Variants in AGBL1 observed in about 807,000 individuals in gnomAD.
The protein encoded by AGBL1 is AGBL carboxypeptidase 1, also known as cytosolic carboxypeptidase 4.
A neutral mutation model predicts 118.9 loss-of-function variants in AGBL1; 130 were observed. The ratio of observed to expected loss-of-function variants is 1.09; its 90% CI spans 0.95 to 1.26. The LOEUF is 1.26. AGBL1 is among the 50% of genes most tolerant of loss of function. The pLI, the probability that AGBL1 is intolerant of heterozygous loss-of-function variation, is 0.00. For synonymous variants in AGBL1, 555 were observed against 478.9 expected, an observed-to-expected ratio of 1.16 and a Z score of -2.08; for missense variants, 1,584 against 1,298.1, an observed-to-expected ratio of 1.22 and a Z score of -3.38.
chr15:86,424,374 T>C (rs1344582870), intron 18 of AGBL1, among the ~76,000 whole-genome samples: 1 of 152,160 alleles, frequency 6.6e-6, no homozygotes, highest in African/African-American at 2.4e-5. Context: ...TTACACCTTA[T>C]ACAAAAATTA....
At chr15:86,407,727 C>G (rs974673530) in intron 18 of AGBL1, among the ~76,000 whole-genome samples, 9 of 152,224 alleles carry the variant, frequency 5.9e-5, no homozygotes, top group African/African-American at 2.2e-4. Context: ...TGAAGCCATA[C>G]TGGGGAGCCT....
intron 22 of AGBL1, among the ~76,000 whole-genome samples, chr15:86,781,392 T>C (rs914941334): frequency 1.3e-5 from 2 of 152,238 alleles, no homozygotes; most frequent in African/African-American, 2.4e-5. Flanking sequence ...TTTCCCTTAA[T>C]ATTTCAATGT....
intron 21 of AGBL1, among the ~76,000 whole-genome samples, chr15:86,628,426 C>G (rs916875579): frequency 1.3e-5 from 2 of 152,192 alleles, no homozygotes; most frequent in Admixed American, 1.3e-4. Flanking sequence ...TTACCTAGAA[C>G]ATAGCACTGA....
At chr15:86,204,478 C>T (rs989020137) in intron 5 of AGBL1, among the ~76,000 whole-genome samples, 1 of 141,066 alleles carries the variant, frequency 7.1e-6, no homozygotes, top group Non-Finnish European at 1.5e-5. Flanking sequence ...CCTTACCTTC[C>T]CTTCCTTTCC....
Position 86,264,581 on chromosome 15 carries a change from A to T in AGBL1, c.1410A>T (p.Val470=). ...CCCCGAAAGCAGATGCCTGGGACGTAGATGCAATTTTCTGCCCAAGGATGA... is the reference window on the plus strand; with the variant it reads ...CCCCGAAAGCAGATGCCTGGGACGTTGATGCAATTTTCTGCCCAAGGATGA... ...QASPKADAWD[V]DAIFCPRMSA... is the part of the protein sequence containing the mutation. The change falls in exon 11 of 23, where the codon GTA becomes GTT. Residue 470 remains valine, a synonymous_variant. Transcript: ENST00000614907. 6.2e-7 allele frequency: 1 copy of T among 1,613,976 alleles called. No individual in the cohort carries two copies. Among genetic ancestry groups the T allele is most frequent in the Non-Finnish European group, 8.5e-7 (1 of 1,179,866 alleles).
At chr15:86,752,162 G>T (rs2077864192) in intron 22 of AGBL1, among the ~76,000 whole-genome samples, 1 of 152,032 alleles carries the variant, frequency 6.6e-6, no homozygotes, top group East Asian at 1.9e-4. Flanking sequence ...ATCTGTTTGT[G>T]TGCCGTGATG....
At chr15:86,269,074 G>A (rs2079116577) in intron 13 of AGBL1, among the ~76,000 whole-genome samples, 1 of 152,116 alleles carries the variant, frequency 6.6e-6, no homozygotes, top group Admixed American at 6.5e-5. Context: ...ATGGGGAGAG[G>A]ATCCCTGAGG....
chr15:86,783,901 G>A (rs867067260), intron 22 of AGBL1, among the ~76,000 whole-genome samples: 7 of 152,208 alleles, frequency 4.6e-5, no homozygotes, highest in Admixed American at 1.3e-4. Context: ...AAAGTGCTGG[G>A]ATTACAGGCG....
chr15:86,962,888 T>C (rs915324916), intron 23 of AGBL1, among the ~76,000 whole-genome samples: 1 of 152,104 alleles, frequency 6.6e-6, no homozygotes, highest in Non-Finnish European at 1.5e-5. Context: ...AGAAAGTCTA[T>C]TGTAGAAGAC....
At chr15:86,872,735 G>A (rs551459918) in intron 22 of AGBL1, among the ~76,000 whole-genome samples, 43 of 152,260 alleles carry the variant, frequency 2.8e-4, no homozygotes, top group African/African-American at 9.4e-4. Context: ...CAGCCTGGGC[G>A]ACAGAGTGAG....
chr15:86,154,433 A>G lies in AGBL1; in HGVS notation c.266A>G (p.Lys89Arg), dbSNP rs548207356. Residue 89 changes from lysine to arginine, a missense_variant, in exon 4 of 23, where the codon AAA becomes AGA. Coordinates refer to ENST00000614907, the MANE Select transcript of AGBL1 (RefSeq NM_001386094.1). ...ATAGATTGATTTGTGTTCTTAGATA[A>G]AAAGATTGGACGGAAGGCCCTAGAA... ...RLLAKVGLRDKKIGRKALELE... is the reference protein window; with the variant it reads ...RLLAKVGLRDRKIGRKALELE... The G allele has an allele frequency of 6.2e-7, 1 of 1,611,904 alleles. No individual in the cohort carries two copies. The highest frequency in any genetic ancestry group is 2.2e-5 in the East Asian group (1 of 44,768).
At chr15:86,800,416 T>C (rs2078633623) in intron 22 of AGBL1, among the ~76,000 whole-genome samples, 1 of 151,998 alleles carries the variant, frequency 6.6e-6, no homozygotes, top group South Asian at 2.1e-4. Context: ...AGAAGACAAG[T>C]GAGAAAAAAG....
intron 19 of AGBL1, among the ~76,000 whole-genome samples, chr15:86,526,121 C>T (rs1036558781): frequency 1.4e-4 from 21 of 152,052 alleles, no homozygotes; most frequent in Non-Finnish European, 3.1e-4. Flanking sequence ...AAATGCTCAA[C>T]GTCACTAATT....
At chr15:86,208,831 C>G (rs1340758367) in intron 5 of AGBL1, among the ~76,000 whole-genome samples, 1 of 152,140 alleles carries the variant, frequency 6.6e-6, no homozygotes, top group Non-Finnish European at 1.5e-5. Flanking sequence ...CGGTTCTGCT[C>G]TGATCTTAGT....
intron 23 of AGBL1, among the ~76,000 whole-genome samples, chr15:86,980,286 T>C (rs2081217677): frequency 6.6e-6 from 1 of 152,242 alleles, no homozygotes; most frequent in Non-Finnish European, 1.5e-5. Flanking sequence ...AGCTGCCTGC[T>C]GATTGCTTTT....
chr15:86,489,479 A>G (rs1006503614), intron 18 of AGBL1, among the ~76,000 whole-genome samples: 1 of 152,178 alleles, frequency 6.6e-6, no homozygotes, highest in Non-Finnish European at 1.5e-5. Context: ...AAAACATATA[A>G]ATAAGCAACT....
intron 5 of AGBL1, among the ~76,000 whole-genome samples, chr15:86,216,917 G>T (rs1009434113): frequency 2.0e-5 from 3 of 152,114 alleles, no homozygotes; most frequent in African/African-American, 2.4e-5. Flanking sequence ...CAGGGCTATT[G>T]TCACCTTACA....
At chr15:86,646,482 G>C (rs1396397851) in intron 21 of AGBL1, among the ~76,000 whole-genome samples, 1 of 152,196 alleles carries the variant, frequency 6.6e-6, no homozygotes, top group Non-Finnish European at 1.5e-5. Context: ...TCATCTTTCT[G>C]TTTACTTTTC....
intron 22 of AGBL1, among the ~76,000 whole-genome samples, chr15:86,852,474 A>G (rs2079421511): frequency 6.6e-6 from 1 of 152,166 alleles, no homozygotes. Context: ...TCACTTTACG[A>G]CATCCCCTGC....
Sources: allele counts gnomAD v4.1 joint callset (sites outside exome capture counted in the v4.1 genomes callset), GRCh38; gene constraint gnomAD v4.1.1; transcripts MANE v1.5; gene names NCBI Gene and HGNC (gene_info 2026-07-23, HGNC 2026-07-21).